MYOM2: variants seen among roughly 807,000 people sequenced by gnomAD.
MYOM2 encodes the protein myomesin-2.
MYOM2 carries 254 observed loss-of-function variants against 187.6 expected under a neutral mutation model. That is an observed-to-expected ratio of 1.35 (90% CI 1.22 to 1.50). The LOEUF (loss-of-function observed/expected upper bound fraction) is 1.50. Among genes scored for constraint, MYOM2 ranks in the 40% most tolerant of loss-of-function variants. The pLI, the probability that MYOM2 is intolerant of heterozygous loss-of-function variation, is 0.00. For missense variants in MYOM2, 2,796 were observed against 1,924.0 expected (o/e 1.45, Z -8.48); for synonymous variants, 981 against 753.8 (o/e 1.30, Z -4.94).
Position 2,073,514 on chromosome 8 carries a change from G to C in MYOM2, c.1120+14G>C. 1.3e-6 allele frequency: 2 copies of C among 1,587,762 alleles called. No individual in the cohort carries two copies. The highest frequency in any genetic ancestry group is 1.7e-6 in the Non-Finnish European group (2 of 1,174,538). ...TGTTTGTCAGAGGTGCGGGCAGCAG[G>C]GTTCTCAGGGTGCAGACCTTGTGTG... On this transcript the variant is annotated intron_variant, in intron 10 of 36. Transcript: ENST00000262113.
chr8:2,048,023 C>T (rs1177604630), intron 1 of MYOM2, among the ~76,000 whole-genome samples: 2 of 152,182 alleles, frequency 1.3e-5, no homozygotes, highest in Admixed American at 6.5e-5. Flanking sequence ...CCATCCAGGG[C>T]GATTCTCCTC....
chr8:2,120,363 G>T lies in MYOM2; in HGVS notation c.3453+2411G>T, dbSNP rs150143771. Reference sequence around the variant, plus strand: ...GCTAAGCCTTGGTGATCTCCACTTGGCCACCTCAGCGGGGACACTGGGGTG... The same window carrying T: ...GCTAAGCCTTGGTGATCTCCACTTGTCCACCTCAGCGGGGACACTGGGGTG... On this transcript the variant is annotated intron_variant, in intron 28 of 36. Transcript: ENST00000262113. Among the ~76,000 whole-genome samples, 544 of 151,940 alleles carry T rather than the reference G, an allele frequency of 3.6e-3. 3 individuals carry two copies. Among genetic ancestry groups the T allele is most frequent in the African/African-American group, 0.012 (511 of 41,464 alleles).
rs755076205 is a variant in MYOM2 at position 2,050,872 on chromosome 8, A to C, written c.106A>C (p.Lys36Gln). The C allele has an allele frequency of 1.2e-5, 20 of 1,606,790 alleles. No individual in the cohort carries two copies. The African/African-American group carries it at 2.4e-4, about 19-fold the overall frequency. ...CCTGCTGGACGAATATGCGTCAAAA[A>C]AGTAAGCTGACATTCGCTGATGAGA... ...RYLLDEYASK[K>Q]RASTQASSQK... The change falls in exon 2 of 37, where the codon AAG becomes CAG. Residue 36 changes from lysine (K) to glutamine (Q), a missense_variant and splice_region_variant. Coordinates refer to ENST00000262113, the MANE Select transcript of MYOM2 (RefSeq NM_003970.4).
At chr8:2,134,308 A>T (rs1364021678) in intron 32 of MYOM2, among the ~76,000 whole-genome samples, 1 of 151,928 alleles carries the variant, frequency 6.6e-6, no homozygotes, top group Non-Finnish European at 1.5e-5. Context: ...ACTCGGAAGC[A>T]CGCCCCTCTG....
chr8:2,130,952 C>T (rs1247962699), intron 32 of MYOM2, among the ~76,000 whole-genome samples: 1 of 152,222 alleles, frequency 6.6e-6, no homozygotes, highest in Admixed American at 6.5e-5. Flanking sequence ...TTATTTACAG[C>T]ATATTGTCTT....
chr8:2,102,007 C>G (rs1013884424), intron 20 of MYOM2: 1 of 152,268 alleles, frequency 6.6e-6, no homozygotes, highest in African/African-American at 2.4e-5. Flanking sequence ...GTTTTCTTCT[C>G]TGGGTGCTGG....
chr8:2,086,479 T>TGATCTCTGTGTG (rs1796072631), intron 14 of MYOM2, among the ~76,000 whole-genome samples: 1 of 146,610 alleles, frequency 6.8e-6, no homozygotes, highest in Non-Finnish European at 1.5e-5. Flanking sequence ...CACACTGTCA[T>TGATCTCTGTGTG]GATCTCTGTG....
intron 13 of MYOM2, among the ~76,000 whole-genome samples, chr8:2,083,802 A>T (rs896195873): frequency 1.3e-5 from 2 of 152,200 alleles, no homozygotes; most frequent in African/African-American, 4.8e-5. Context: ...TGTGAAGAAT[A>T]AGTCAGATGT....
At chr8:2,069,586 C>G in intron 8 of MYOM2, 89 bp downstream of exon 8, 1 of 1,201,454 alleles carries the variant, frequency 8.3e-7, no homozygotes, top group Admixed American at 2.2e-5. Context: ...AGGGCCAAAT[C>G]TTTTTTTTTT....
chr8:2,121,801 GCTGA>G (rs1326983827), intron 28 of MYOM2, among the ~76,000 whole-genome samples: 1 of 152,166 alleles, frequency 6.6e-6, no homozygotes, highest in Non-Finnish European at 1.5e-5. Context: ...GAGAATTAGC[GCTGA>G]CTCTTAGGAA....
chr8:2,112,075 C>T lies in MYOM2; in HGVS notation c.3180+2544C>T, dbSNP rs536703829. ...CCCCGGGAGCTGTTGGGAGCTTGGGCGGTCCTCTTCCTTTCCCAGTGGACG... is the reference window on the plus strand; with the variant it reads ...CCCCGGGAGCTGTTGGGAGCTTGGGTGGTCCTCTTCCTTTCCCAGTGGACG... On this transcript the variant is annotated intron_variant, in intron 25 of 36. Coordinates refer to ENST00000262113, the MANE Select transcript of MYOM2 (RefSeq NM_003970.4). Among the ~76,000 whole-genome samples, 4 of 152,144 alleles carry T rather than the reference C, an allele frequency of 2.6e-5. 1 individual carries two copies. The highest frequency in any genetic ancestry group is 4.4e-5 in the Non-Finnish European group (3 of 68,028).
At chr8:2,104,610 A>C (rs1049236965) in intron 21 of MYOM2, among the ~76,000 whole-genome samples, 3 of 151,460 alleles carry the variant, frequency 2.0e-5, no homozygotes, top group Admixed American at 6.6e-5. Context: ...ATTTAAAAAA[A>C]AAAAAAGAAA....
At chr8:2,106,907 A>G (rs922701556) in intron 23 of MYOM2, among the ~76,000 whole-genome samples, 1 of 152,186 alleles carries the variant, frequency 6.6e-6, no homozygotes, top group Non-Finnish European at 1.5e-5. Flanking sequence ...TAACTAAGAA[A>G]TCCATGAAAT....
chr8:2,092,974 C>G (rs991889037), intron 16 of MYOM2, among the ~76,000 whole-genome samples: 5 of 152,140 alleles, frequency 3.3e-5, no homozygotes, highest in African/African-American at 9.7e-5. Context: ...GTGGGGGCAG[C>G]CTCGGGGGAT....
At chr8:2,134,762 G>C (rs1327212490) in intron 32 of MYOM2, among the ~76,000 whole-genome samples, 1 of 152,234 alleles carries the variant, frequency 6.6e-6, no homozygotes, top group East Asian at 1.9e-4. Flanking sequence ...GTTGTCGCCT[G>C]CTTTTTCCAG....
rs561595328 is a variant in MYOM2, at chr8:2,101,143, C to G, written c.2619+89C>G. 2.6e-5 allele frequency: 35 copies of G among 1,330,068 alleles called. No homozygotes were observed. The Admixed American group carries it at 5.4e-4, about 20-fold the overall frequency. The allele number at this position is 1,330,068 out of a possible 1,614,324, so 82.4% of individuals were successfully genotyped here. Reference sequence around the variant, plus strand: ...GGCCAATCACTTGAGGTCAGGAGTTCGAAACCAGCCTGGCCAACATGGAGA... The same window carrying G: ...GGCCAATCACTTGAGGTCAGGAGTTGGAAACCAGCCTGGCCAACATGGAGA... On this transcript the variant is annotated intron_variant, in intron 20 of 36. Transcript: ENST00000262113.
intron 28 of MYOM2, among the ~76,000 whole-genome samples, chr8:2,121,057 T>A (rs1797436804): frequency 6.6e-6 from 1 of 152,044 alleles, no homozygotes; most frequent in Admixed American, 6.6e-5. Flanking sequence ...AAAAGCATAA[T>A]GGACATTTAA....
At chr8:2,063,683 T>C (rs940727406) in intron 6 of MYOM2, among the ~76,000 whole-genome samples, 1 of 152,236 alleles carries the variant, frequency 6.6e-6, no homozygotes, top group Non-Finnish European at 1.5e-5. Context: ...TCCAGCGTCA[T>C]CACCACTTAT....
intron 32 of MYOM2, among the ~76,000 whole-genome samples, chr8:2,139,224 T>G (rs1367485049): frequency 6.6e-6 from 1 of 152,232 alleles, no homozygotes; most frequent in East Asian, 1.9e-4. Context: ...CACTGCAGCC[T>G]TGACCTCCTC....
Sources: allele counts gnomAD v4.1 joint callset (sites outside exome capture counted in the v4.1 genomes callset), GRCh38; gene constraint gnomAD v4.1.1; transcripts MANE v1.5; gene names NCBI Gene and HGNC (gene_info 2026-07-23, HGNC 2026-07-21).